Variants in SLIT1 observed in about 807,000 individuals in gnomAD.
SLIT1 encodes the protein slit guidance ligand 1, also known as slit homolog 1 protein.
In SLIT1, 66 loss-of-function variants were observed where a neutral mutation model predicts 186.1. The observed-to-expected ratio is 0.35, with a 90% CI of 0.29 to 0.44. SLIT1 has a LOEUF of 0.44. SLIT1 is among the 20% of genes least tolerant of loss of function. The pLI is 1.00. For missense variants in SLIT1, 1,638 were observed against 2,037.4 expected, an observed-to-expected ratio of 0.80 and a Z score of 3.77; for synonymous variants, 761 against 833.8, an observed-to-expected ratio of 0.91 and a Z score of 1.50.
intron 2 of SLIT1, among the ~76,000 whole-genome samples, chr10:97,164,353 TC>T (rs1564691951): frequency 6.6e-6 from 1 of 151,952 alleles, no homozygotes; most frequent in Non-Finnish European, 1.5e-5. Flanking sequence ...TGTGAGAGGC[TC>T]CCGCTGGAGG....
chr10:97,173,649 G>T (rs1850219904), intron 1 of SLIT1, among the ~76,000 whole-genome samples: 3 of 152,292 alleles, frequency 2.0e-5, no homozygotes, highest in African/African-American at 4.8e-5. Flanking sequence ...TCAAGCAGCG[G>T]TGAGGCAGAG....
intron 28 of SLIT1, among the ~76,000 whole-genome samples, chr10:97,015,209 G>T (rs1432327801): frequency 6.6e-6 from 1 of 152,188 alleles, no homozygotes; most frequent in Non-Finnish European, 1.5e-5. Context: ...CAGACTGGGG[G>T]GTGATGGGAC....
chr10:97,142,933 A>G (rs1198300489), intron 4 of SLIT1, among the ~76,000 whole-genome samples: 1 of 152,244 alleles, frequency 6.6e-6, no homozygotes, highest in East Asian at 1.9e-4. Context: ...AACCATGATG[A>G]CATATCACCT....
chr10:97,133,731 A>G (rs1010643933), intron 4 of SLIT1, among the ~76,000 whole-genome samples: 2 of 152,218 alleles, frequency 1.3e-5, no homozygotes, highest in African/African-American at 4.8e-5. Context: ...TAGATTACAT[A>G]TAATGACATA....
At chr10:97,087,963 C>T (rs1027396700) in intron 4 of SLIT1, among the ~76,000 whole-genome samples, 5 of 151,998 alleles carry the variant, frequency 3.3e-5, no homozygotes, top group Admixed American at 3.3e-4. Context: ...GCACCCAGCC[C>T]CCGAGACCTG....
intron 28 of SLIT1, among the ~76,000 whole-genome samples, chr10:97,017,790 C>T (rs1246149761): frequency 6.6e-6 from 1 of 151,858 alleles, no homozygotes; most frequent in South Asian, 2.1e-4. Context: ...GCAGCACTGT[C>T]AGGAGCAGGC....
chr10:97,080,181 A>C (rs768845761), intron 4 of SLIT1, among the ~76,000 whole-genome samples: 3 of 152,154 alleles, frequency 2.0e-5, no homozygotes, highest in Non-Finnish European at 2.9e-5. Flanking sequence ...ATCTTACACA[A>C]TTTAGCAAGT....
chr10:97,004,428 A>G lies in SLIT1; in HGVS notation c.3711-206T>C, dbSNP rs1228567785. Among the ~76,000 whole-genome samples, 1 of 152,160 alleles carries G rather than the reference A, an allele frequency of 6.6e-6. No homozygotes were observed. The highest frequency in any genetic ancestry group is 2.4e-5 in the African/African-American group (1 of 41,438). On this transcript the variant is annotated intron_variant, in intron 33 of 36. Coordinates refer to ENST00000266058, the MANE Select transcript of SLIT1 (RefSeq NM_003061.3). This position sits in a 1 kb window ranked among gnomAD's most constrained non-coding sequence, Gnocchi z 5.1. ...TGGGGAAGGCTGAGAGGTTTGAGGCAGGGGTCTCAAACTTACAAGTCTCCC... is the reference window on the plus strand; with the variant it reads ...TGGGGAAGGCTGAGAGGTTTGAGGCGGGGGTCTCAAACTTACAAGTCTCCC...
intron 4 of SLIT1, among the ~76,000 whole-genome samples, chr10:97,069,271 C>T (rs1848980911): frequency 6.6e-6 from 1 of 152,194 alleles, no homozygotes; most frequent in Non-Finnish European, 1.5e-5. Flanking sequence ...CAACATGAAA[C>T]CAAACTCACC....
intron 16 of SLIT1, 139 bp downstream of exon 16, chr10:97,047,551 A>G: frequency 1.2e-6 from 1 of 826,882 alleles, no homozygotes. Flanking sequence ...TGCCCAAGCC[A>G]GCAGTTGGTA....
In SLIT1 at chr10:97,088,797, G is replaced by T. The variant is rs544432935; in HGVS notation, c.414-22711C>A. Among the ~76,000 whole-genome samples, 22 of 152,254 alleles carry T rather than the reference G, an allele frequency of 1.4e-4. No individual in the cohort carries two copies. The South Asian group carries it at 4.4e-3, about 30-fold the overall frequency. ...GGCTGTGGGTGACAGGATCGCAGGG[G>T]CCCACGTCCATAAAGGAATGAAGCA... On this transcript the variant is annotated intron_variant, in intron 4 of 36. Transcript: ENST00000266058.
Position 97,063,714 on chromosome 10 carries a change from C to T in SLIT1, c.630-96G>A. 3.7e-6 allele frequency: 5 copies of T among 1,353,340 alleles called. No homozygotes were observed. In the Admixed American group the frequency reaches 7.5e-5, roughly 20 times the overall value. The allele number at this position is 1,353,340 out of a possible 1,614,324, so 83.8% of individuals were successfully genotyped here. On this transcript the variant is annotated intron_variant, in intron 7 of 36. Coordinates refer to ENST00000266058, the MANE Select transcript of SLIT1 (RefSeq NM_003061.3). The stretch of plus-strand genomic sequence containing the variant: ...CTCAGGCAGGAGGCTGCCCCCGGTG[C>T]TGTGTTCAAGCCAAACACAGTCTAC...
chr10:97,145,929 G>A (rs746273596), intron 4 of SLIT1, among the ~76,000 whole-genome samples: 7 of 152,158 alleles, frequency 4.6e-5, no homozygotes, highest in South Asian at 2.1e-4. Context: ...AGTAATTCCC[G>A]GCCATGTCAC....
At chr10:97,089,709 G>A (rs1445725736) in intron 4 of SLIT1, among the ~76,000 whole-genome samples, 10 of 152,118 alleles carry the variant, frequency 6.6e-5, no homozygotes, top group Admixed American at 3.3e-4. Flanking sequence ...GTAGGCTGAG[G>A]GATCAAGGCC....
At position 97,004,622 on chromosome 10, in the gene SLIT1, T is replaced by C; in HGVS notation, c.3710+71A>G. 6.3e-7 allele frequency: 1 copy of C among 1,581,938 alleles called. No homozygotes were observed. Among genetic ancestry groups the C allele is most frequent in the South Asian group, 1.1e-5 (1 of 88,990 alleles). ...TAGAGGTCTCGATAACCACCTGCTT[T>C]TGGCCCAGGAGACCTCGCCCTGGCA... On this transcript the variant is annotated intron_variant, in intron 33 of 36. Coordinates refer to ENST00000266058, the MANE Select transcript of SLIT1 (RefSeq NM_003061.3). The surrounding 1 kb of genome is among the most constrained non-coding windows in gnomAD (Gnocchi z 5.1).
chr10:97,046,631 G>A lies in SLIT1; in HGVS notation c.1853+23C>T. ...CTGCCTCCTGCAGCTGGCCCACCCT[G>A]CTCCCCAGCCCTGCACACTCACAGG... is the stretch of plus-strand genomic sequence containing the variant. On this transcript the variant is annotated intron_variant, in intron 18 of 36. Coordinates refer to ENST00000266058, the MANE Select transcript of SLIT1 (RefSeq NM_003061.3). 2.5e-6 allele frequency: 4 copies of A among 1,580,614 alleles called. No individual in the cohort carries two copies. In the Middle Eastern group the frequency reaches 6.8e-4, roughly 268 times the overall value.
chr10:97,059,870 A>G (rs1395182623), intron 10 of SLIT1, among the ~76,000 whole-genome samples: 2 of 152,180 alleles, frequency 1.3e-5, no homozygotes, highest in Admixed American at 6.5e-5. Context: ...ATCACAGGCC[A>G]GGCTCAGGCT....
chr10:97,179,411 A>C (rs1850300449), intron 1 of SLIT1, among the ~76,000 whole-genome samples: 1 of 152,184 alleles, frequency 6.6e-6, no homozygotes, highest in African/African-American at 2.4e-5. Flanking sequence ...TGGGGAACAT[A>C]GTGAGATCCC....
chr10:97,042,557 C>T (rs1286441432), intron 20 of SLIT1, among the ~76,000 whole-genome samples: 1 of 152,060 alleles, frequency 6.6e-6, no homozygotes, highest in African/African-American at 2.4e-5. Context: ...TAGGGACAGC[C>T]AAAAGGCAGG....
Sources: allele counts gnomAD v4.1 joint callset (sites outside exome capture counted in the v4.1 genomes callset), GRCh38; gene constraint gnomAD v4.1.1; non-coding constraint Gnocchi (gnomAD v3.1); transcripts MANE v1.5; gene names NCBI Gene and HGNC (gene_info 2026-07-23, HGNC 2026-07-21).